The following FCGR2A variants were observed in gnomAD, a reference collection of about 807,000 sequenced individuals.
The protein encoded by FCGR2A is Fc gamma receptor IIa.
FCGR2A carries 18 observed loss-of-function variants against 29.3 expected under a neutral mutation model. That is an observed-to-expected ratio of 0.62 (90% CI 0.43 to 0.91). The LOEUF is 0.91. Among genes scored for constraint, FCGR2A ranks in the 40% least tolerant of loss-of-function variants. The pLI is 0.00. For missense variants in FCGR2A, 287 were observed against 393.0 expected, an observed-to-expected ratio of 0.73 and a Z score of 2.28; for synonymous variants, 126 against 144.8, an observed-to-expected ratio of 0.87 and a Z score of 0.93.
chr1:161,517,441 A>G (rs1411266374), intron 6 of FCGR2A, among the ~76,000 whole-genome samples: 2 of 152,174 alleles, frequency 1.3e-5, no homozygotes, highest in East Asian at 3.8e-4. Flanking sequence ...AAGCAGAAAC[A>G]AAGAATTTAA....
chr1:161,507,953 G>T (rs1675518910), intron 3 of FCGR2A, among the ~76,000 whole-genome samples: 1 of 151,928 alleles, frequency 6.6e-6, no homozygotes, highest in Admixed American at 6.6e-5. Flanking sequence ...GGGCATGGTG[G>T]CGCTTGCCTG....
chr1:161,506,810 G>GT, intron 3 of FCGR2A: 1 of 956,394 alleles, frequency 1.0e-6, no homozygotes, highest in African/African-American at 1.7e-5. Flanking sequence ...GTGTTAGGTT[G>GT]TTTTTGCCTC....
downstream of FCGR2A, chr1:161,522,674 C>T (rs1676500909): frequency 6.6e-6 from 1 of 152,104 alleles, no homozygotes; most frequent in South Asian, 2.1e-4. Flanking sequence ...GCTTCTTTCC[C>T]TTTTGGAATT....
chr1:161,522,521 C>CG (rs996866935), downstream of FCGR2A, among the ~76,000 whole-genome samples: 5 of 152,098 alleles, frequency 3.3e-5, no homozygotes, highest in African/African-American at 1.2e-4. Flanking sequence ...CTTAACACGC[C>CG]GGGGCACAGA....
intron 5 of FCGR2A, among the ~76,000 whole-genome samples, chr1:161,511,962 A>C (rs12142756): frequency 0.17 from 26,076 of 152,066 alleles, 2,441 homozygotes; most frequent in Middle Eastern, 0.33. Flanking sequence ...CAGGGCTCAA[A>C]TCGCTTGGTC....
intron 2 of FCGR2A, 114 bp downstream of exon 2, chr1:161,506,121 T>C (rs1161190576): frequency 7.6e-7 from 1 of 1,319,504 alleles, no homozygotes; most frequent in African/African-American, 1.4e-5. Flanking sequence ...CAAGCTTGGG[T>C]TCAGCATGGG....
chr1:161,506,317 T>TC lies in FCGR2A; in HGVS notation c.107-15dup. Reference sequence around the variant, plus strand: ...CAGGGTTATTTATTCCACACCCCTTTCCACTCTGCCCCTCAGCAGCTCCCC... The same window carrying TC: ...CAGGGTTATTTATTCCACACCCCTTTCCCACTCTGCCCCTCAGCAGCTCCCC... On this transcript the variant is annotated splice_polypyrimidine_tract_variant and intron_variant, in intron 2 of 6. Coordinates refer to ENST00000271450, the MANE Select transcript of FCGR2A (RefSeq NM_001136219.3). The TC allele has an allele frequency of 6.2e-7, 1 of 1,614,100 alleles. No homozygotes were observed.
downstream of FCGR2A, chr1:161,523,818 A>G (rs540879410): frequency 2.0e-5 from 3 of 151,192 alleles, no homozygotes; most frequent in African/African-American, 7.2e-5. Flanking sequence ...TGAGAAAAAG[A>G]ATTGAAATGG....
At chr1:161,513,677 C>T (rs1675959161) in intron 5 of FCGR2A, 5 of 618,534 alleles carry the variant, frequency 8.1e-6, no homozygotes, top group East Asian at 2.7e-5. Context: ...GACTGCTTCC[C>T]TCCACCAGTG....
chr1:161,523,193 G>A (rs536937374), downstream of FCGR2A: 2 of 152,288 alleles, frequency 1.3e-5, no homozygotes, highest in East Asian at 3.9e-4. Flanking sequence ...GCGTGAGAGA[G>A]GGGGTCGATT....
chr1:161,510,491 A>G lies in FCGR2A; in HGVS notation c.620-343A>G, dbSNP rs150717168. ...GTTCAAGGCTGTGCTCCATAGAGTA[A>G]TGATGCCTCCAGCTATGCGAGGCTT... On this transcript the variant is annotated intron_variant, in intron 4 of 6. Coordinates refer to ENST00000271450, the MANE Select transcript of FCGR2A (RefSeq NM_001136219.3). 121 of 451,572 alleles carry G rather than the reference A, an allele frequency of 2.7e-4. 2 individuals carry two copies. The highest frequency in any genetic ancestry group is 2.1e-3 in the African/African-American group (108 of 50,868). The allele number at this position is 451,572 out of a possible 1,614,324, so 28.0% of individuals were successfully genotyped here.
chr1:161,507,784 A>T (rs911141499), intron 3 of FCGR2A, among the ~76,000 whole-genome samples: 1 of 152,184 alleles, frequency 6.6e-6, no homozygotes, highest in African/African-American at 2.4e-5. Context: ...AAATGTAAAA[A>T]TATAGATAAT....
Position 161,518,237 on chromosome 1 carries a change from G to C in FCGR2A, c.*89G>C, listed in dbSNP as rs1676264296. On this transcript the variant is annotated 3_prime_UTR_variant, in exon 7 of 7. Transcript: ENST00000271450. ...ATTGTTAAAGGAAAATTTAAATGGA[G>C]ACTGGAAAAATCCTGAGCAAACAAA... 5 of 1,547,656 alleles carry C rather than the reference G, an allele frequency of 3.2e-6. No homozygotes were observed. The highest frequency in any genetic ancestry group is 4.3e-6 in the Non-Finnish European group (5 of 1,150,930).
intron 6 of FCGR2A, among the ~76,000 whole-genome samples, chr1:161,514,298 C>G (rs1223594497): frequency 6.7e-6 from 1 of 150,320 alleles, no homozygotes; most frequent in Non-Finnish European, 1.5e-5. Flanking sequence ...TAACTGCAAA[C>G]CTATCAAATT....
chr1:161,505,636 C>A, intron 1 of FCGR2A, 84 bp downstream of exon 1: 1 of 1,105,118 alleles, frequency 9.0e-7, no homozygotes, highest in South Asian at 1.2e-5. Context: ...AAGGAGCAGG[C>A]CTGGGCCCTG....
chr1:161,522,401 A>C (rs1179508384), downstream of FCGR2A, among the ~76,000 whole-genome samples: 2 of 152,108 alleles, frequency 1.3e-5, no homozygotes, highest in East Asian at 3.9e-4. Flanking sequence ...TAACATTCAT[A>C]GGCTGCGTTA....
chr1:161,507,635 C>T (rs961088099), intron 3 of FCGR2A, among the ~76,000 whole-genome samples: 1 of 152,252 alleles, frequency 6.6e-6, no homozygotes, highest in South Asian at 2.1e-4. Context: ...GCTGTGGAGT[C>T]GCTTTCTGTT....
intron 6 of FCGR2A, chr1:161,514,972 T>A (rs1008758821): frequency 6.6e-6 from 1 of 152,176 alleles, no homozygotes; most frequent in African/African-American, 2.4e-5. Flanking sequence ...TATGTTCAGA[T>A]AATATGGGCC....
At chr1:161,509,286 G>T (rs533135539) in intron 3 of FCGR2A, among the ~76,000 whole-genome samples, 1 of 151,656 alleles carries the variant, frequency 6.6e-6, no homozygotes, top group South Asian at 2.1e-4. Context: ...ATAGCATTTT[G>T]TTATAGCAGC....
Sources: gnomAD v4.1 joint callset for allele counts (sites outside exome capture counted in the v4.1 genomes callset) on GRCh38, gnomAD v4.1.1 for gene constraint, MANE v1.5 for transcripts, NCBI Gene and HGNC (gene_info 2026-07-23, HGNC 2026-07-21) for gene names.